C1QTNF2: variants seen among roughly 807,000 people sequenced by gnomAD.
C1QTNF2 encodes the protein C1q and TNF related 2, also known as complement C1q tumor necrosis factor-related protein 2.
In C1QTNF2, 15 loss-of-function variants were observed where a neutral mutation model predicts 17.4. That is an observed-to-expected ratio of 0.86 (90% confidence interval 0.58 to 1.33). The LOEUF (loss-of-function observed/expected upper bound fraction) is 1.33. C1QTNF2 is among the 40% of genes most tolerant of loss of function. The pLI is 0.00. For missense variants in C1QTNF2, 381 were observed against 392.3 expected (o/e 0.97, Z 0.24); for synonymous variants, 154 against 163.3 (o/e 0.94, Z 0.44).
intron 1 of C1QTNF2, chr5:160,355,276 C>G: frequency 1.0e-6 from 1 of 983,838 alleles, no homozygotes; most frequent in Non-Finnish European, 1.2e-6. Context: ...CATCATCAGA[C>G]CATCATCTTC....
chr5:160,367,317 CAGG>C (rs1243483252), intron 1 of C1QTNF2, among the ~76,000 whole-genome samples: 1 of 152,194 alleles, frequency 6.6e-6, no homozygotes, highest in Non-Finnish European at 1.5e-5. Flanking sequence ...TGCATTTGGG[CAGG>C]TCAACAGGTA....
Position 160,355,550 on chromosome 5 carries a change from G to A in C1QTNF2, c.-9-530C>T, listed in dbSNP as rs1029686494. On this transcript the variant is annotated intron_variant, in intron 1 of 2. Coordinates refer to ENST00000652664, the MANE Select transcript of C1QTNF2 (RefSeq NM_031908.6). ...ATCACCTGAGTGACCCTGGCAGGCC[G>A]TGGTAGCAGCTCCTCCCCCAAGCGC... 6.6e-5 allele frequency among the ~76,000 whole-genome samples: 10 copies of A among 152,326 alleles called. No individual in the cohort carries two copies. The South Asian group carries it at 1.2e-3, about 19-fold the overall frequency.
chr5:160,350,101 G>A (rs370355723), intron 2 of C1QTNF2, among the ~76,000 whole-genome samples: 4 of 152,176 alleles, frequency 2.6e-5, no homozygotes, highest in East Asian at 1.9e-4. Context: ...GGCTGCGCTG[G>A]TAATGGGTTG....
Position 160,349,427 on chromosome 5 carries a change from T to C in C1QTNF2, c.599A>G (p.Asp200Gly). The change falls in exon 3 of 3, where the codon GAC becomes GGC. Residue 200 changes from aspartate to glycine, a missense_variant. Asp to Gly is a moderately conservative substitution (Grantham distance 94). Transcript: ENST00000652664. The surrounding 1 kb of genome is among the most constrained non-coding windows in gnomAD (Gnocchi z 4.3). ...CAGGTGCTTGTTGGCCAGCGTGATGTCGTAGGTGAAGTAGTAGATCCCAGG... is the reference window on the plus strand; with the variant it reads ...CAGGTGCTTGTTGGCCAGCGTGATGCCGTAGGTGAAGTAGTAGATCCCAGG... ...GVPGIYYFTY[D>G]ITLANKHLAI... 6.2e-7 allele frequency: 1 copy of C among 1,613,922 alleles called. No individual in the cohort carries two copies. Among genetic ancestry groups the C allele is most frequent in the Non-Finnish European group, 8.5e-7 (1 of 1,179,972 alleles).
chr5:160,350,512 T>C (rs1232748768), intron 2 of C1QTNF2, among the ~76,000 whole-genome samples: 1 of 152,078 alleles, frequency 6.6e-6, no homozygotes, highest in African/African-American at 2.4e-5. Context: ...GAGACCAGCC[T>C]GGGCAATGTA....
At position 160,348,763 on chromosome 5, in the gene C1QTNF2, C is replaced by T. The variant is rs567932700; in HGVS notation, c.*405G>A. Reference sequence around the variant, plus strand: ...ACTTAAAAAAAGAAACAAATTTCCACCTCTTCCCTGTCTCCTGTTATTCCT... The same window carrying T: ...ACTTAAAAAAAGAAACAAATTTCCATCTCTTCCCTGTCTCCTGTTATTCCT... On this transcript the variant is annotated 3_prime_UTR_variant, in exon 3 of 3. Transcript: ENST00000652664. 3 of 163,580 alleles carry T rather than the reference C, an allele frequency of 1.8e-5. No homozygotes were observed. In the East Asian group the frequency reaches 5.5e-4, roughly 30 times the overall value. 10.1% of individuals were successfully genotyped at this position (163,580 alleles called of 1,614,324 possible). A position where few individuals can be genotyped will look rare whatever the true frequency, so the allele number is the denominator to read the frequency against.
intron 1 of C1QTNF2, among the ~76,000 whole-genome samples, chr5:160,357,805 A>C (rs1764078219): frequency 6.6e-6 from 1 of 151,578 alleles, no homozygotes; most frequent in South Asian, 2.1e-4. Context: ...AAAGAGAGCC[A>C]GCCGGACGAG....
At chr5:160,364,732 G>C (rs578160952) in intron 1 of C1QTNF2, among the ~76,000 whole-genome samples, 2 of 152,162 alleles carry the variant, frequency 1.3e-5, no homozygotes, top group East Asian at 1.9e-4. Flanking sequence ...AGGGAGGCTG[G>C]GCCTTTTTTC....
In C1QTNF2 at chr5:160,349,353, C is replaced by T. The variant is rs751234385; in HGVS notation, c.673G>A (p.Ala225Thr). ...NGQYRIRTFD[A>T]NTGNHDVASG... Reference sequence around the variant, plus strand: ...GCCACATCGTGGTTGCCGGTGTTGGCATCAAAGGTCCGGATGCGGTACTGG... The same window carrying T: ...GCCACATCGTGGTTGCCGGTGTTGGTATCAAAGGTCCGGATGCGGTACTGG... The change falls in exon 3 of 3, where the codon GCC becomes ACC. Residue 225 changes from alanine (A) to threonine (T), a missense_variant. Transcript: ENST00000652664. The surrounding 1 kb of genome is among the most constrained non-coding windows in gnomAD (Gnocchi z 4.3). The T allele has an allele frequency of 6.2e-7, 1 of 1,614,148 alleles. No homozygotes were observed. Among genetic ancestry groups the T allele is most frequent in the South Asian group, 1.1e-5 (1 of 91,088 alleles).
chr5:160,362,267 C>T lies in C1QTNF2; in HGVS notation c.-9-7247G>A, dbSNP rs548525144. Among the ~76,000 whole-genome samples the T allele has an allele frequency of 7.9e-5, 12 of 152,276 alleles. No individual in the cohort carries two copies. The South Asian group carries it at 8.3e-4, about 11-fold the overall frequency. ...AGGTTTCACCTAGGACCTCTTTATA[C>T]GCTGATTCATGTACTCAATCACACA... On this transcript the variant is annotated intron_variant, in intron 1 of 2. Transcript: ENST00000652664.
At position 160,349,513 on chromosome 5, in the gene C1QTNF2, C is replaced by A; in HGVS notation, c.513G>T (p.Lys171Asn). ...PRERLPIKFDKILMNEGGHYN... is the reference protein window; with the variant it reads ...PRERLPIKFDNILMNEGGHYN... ...AGTGGCCACCCTCGTTCATCAGAAT[C>A]TTGTCAAACTTGATGGGCAGCCGCT... is the stretch of plus-strand genomic sequence containing the variant. The change falls in exon 3 of 3, where the codon AAG becomes AAT. Residue 171 changes from lysine to asparagine, a missense_variant. Transcript: ENST00000652664. The surrounding 1 kb of genome is among the most constrained non-coding windows in gnomAD (Gnocchi z 4.3). The A allele has an allele frequency of 6.2e-7, 1 of 1,614,078 alleles. No individual in the cohort carries two copies. Among genetic ancestry groups the A allele is most frequent in the Non-Finnish European group, 8.5e-7 (1 of 1,180,018 alleles).
At chr5:160,354,597 A>AAAAAAATATATAT (rs769774870) in intron 2 of C1QTNF2, among the ~76,000 whole-genome samples, 171 bp downstream of exon 2, 5 of 89,306 alleles carry the variant, frequency 5.6e-5, no homozygotes, top group African/African-American at 1.4e-4. Context: ...AAAAAAAAAA[A>AAAAAAATATATAT]GTATATATAT....
Position 160,348,572 on chromosome 5 carries a change from A to G in C1QTNF2, c.*596T>C, listed in dbSNP as rs1763845333. On this transcript the variant is annotated 3_prime_UTR_variant, in exon 3 of 3. Transcript: ENST00000652664. ...GGAAATTTTCCAGGTACTGACTTAG[A>G]GGGGTCTTAAGAGAGCTTTTGGGGA... is the stretch of plus-strand genomic sequence containing the variant. 1 of 152,304 alleles carries G rather than the reference A, an allele frequency of 6.6e-6. No individual in the cohort carries two copies. The highest frequency in any genetic ancestry group is 1.5e-5 in the Non-Finnish European group (1 of 68,162). The allele number at this position is 152,304 out of a possible 1,614,324, so 9.4% of individuals were successfully genotyped here.
intron 1 of C1QTNF2, 36 bp downstream of exon 1, chr5:160,370,476 T>C: frequency 7.2e-7 from 1 of 1,398,272 alleles, no homozygotes; most frequent in South Asian, 1.6e-5. Context: ...CGCGCGCACT[T>C]GCCGCCCCCG....
intron 1 of C1QTNF2, 66 bp downstream of exon 1, chr5:160,370,446 G>GTCCTCC: frequency 6.6e-6 from 9 of 1,365,656 alleles, no homozygotes; most frequent in Non-Finnish European, 8.4e-6. Context: ...AGCAGTGCGA[G>GTCCTCC]TCCTCCTCCT....
chr5:160,366,909 A>C (rs1764257264), intron 1 of C1QTNF2, among the ~76,000 whole-genome samples: 1 of 144,384 alleles, frequency 6.9e-6, no homozygotes, highest in South Asian at 2.1e-4. Flanking sequence ...CTGTAGTCCC[A>C]ATTACTTGGG....
In C1QTNF2 at chr5:160,349,244, T is replaced by G. The variant is rs1210357067; in HGVS notation, c.782A>C (p.Tyr261Ser). Residue 261 changes from tyrosine (Y) to serine (S), a missense_variant, in exon 3 of 3, where the codon TAT becomes TCT. Coordinates refer to ENST00000652664, the MANE Select transcript of C1QTNF2 (RefSeq NM_031908.6). The surrounding 1 kb of genome is among the most constrained non-coding windows in gnomAD (Gnocchi z 4.3). Reference protein sequence around the residue: ...IFYSEQNGLFYDPYWTDSLFT... With the variant: ...IFYSEQNGLFSDPYWTDSLFT... ...GAGGCTGTCTGTCCAGTAAGGGTCA[T>G]AGAAGAGCCCGTTCTGCTCTGAGTA... 6.2e-6 allele frequency: 10 copies of G among 1,614,072 alleles called. No individual in the cohort carries two copies. The South Asian group carries it at 1.1e-4, about 18-fold the overall frequency.
chr5:160,355,061 C>T lies in C1QTNF2; in HGVS notation c.-9-41G>A. On this transcript the variant is annotated intron_variant, in intron 1 of 2. Transcript: ENST00000652664. Reference sequence around the variant, plus strand: ...GAGCTGTGACAGGTGAGTGTGGCCACCAAGCTGACCTGGGGCTGGTCAGAG... The same window carrying T: ...GAGCTGTGACAGGTGAGTGTGGCCATCAAGCTGACCTGGGGCTGGTCAGAG... The T allele has an allele frequency of 2.0e-6, 3 of 1,491,376 alleles. No individual in the cohort carries two copies. In the South Asian group the frequency reaches 4.2e-5, roughly 21 times the overall value. The allele number at this position is 1,491,376 out of a possible 1,614,324, so 92.4% of individuals were successfully genotyped here. A position where few individuals can be genotyped will look rare whatever the true frequency, so the allele number is the denominator to read the frequency against.
chr5:160,356,817 C>A (rs548322031), intron 1 of C1QTNF2, among the ~76,000 whole-genome samples: 1 of 152,292 alleles, frequency 6.6e-6, no homozygotes, highest in Admixed American at 6.5e-5. Flanking sequence ...GCTCTTGGAG[C>A]CTGTCCAGGC....
Sources: allele counts gnomAD v4.1 joint callset (sites outside exome capture counted in the v4.1 genomes callset), GRCh38; gene constraint gnomAD v4.1.1; non-coding constraint Gnocchi (gnomAD v3.1); transcripts MANE v1.5; gene names NCBI Gene and HGNC (gene_info 2026-07-23, HGNC 2026-07-21).